ACSBG1: variants seen among roughly 807,000 people sequenced by gnomAD.
ACSBG1 encodes the protein long-chain-fatty-acid--CoA ligase ACSBG1.
Under a neutral mutation model 80.2 loss-of-function variants are expected in ACSBG1, and 39 were observed. That is an observed-to-expected ratio of 0.49 (90% CI 0.38 to 0.64). The LOEUF is 0.64. Among genes scored for constraint, ACSBG1 ranks in the 30% least tolerant of loss-of-function variants. ACSBG1 has a pLI of 0.00. For synonymous variants in ACSBG1, 392 were observed against 379.5 expected (o/e 1.03, Z -0.38); for missense variants, 828 against 966.4 (o/e 0.86, Z 1.90).
intron 1 of ACSBG1, among the ~76,000 whole-genome samples, chr15:78,212,962 G>A (rs971984751): frequency 1.1e-4 from 16 of 152,156 alleles, no homozygotes; most frequent in Non-Finnish European, 2.9e-5. Flanking sequence ...AAAATCTCCA[G>A]GACTCCTGCT....
intron 2 of ACSBG1, among the ~76,000 whole-genome samples, chr15:78,206,543 G>C (rs2075216497): frequency 6.6e-6 from 1 of 152,178 alleles, no homozygotes; most frequent in Non-Finnish European, 1.5e-5. Context: ...CCAAAGTCCT[G>C]ATACACTAGA....
At position 78,194,710 on chromosome 15, in the gene ACSBG1, C is replaced by G; in HGVS notation, c.249G>C (p.Thr83=). Residue 83 remains threonine, a synonymous_variant, in exon 3 of 14, where the codon ACG becomes ACC. Coordinates refer to ENST00000258873, the MANE Select transcript of ACSBG1 (RefSeq NM_015162.5). The part of the protein sequence containing the change: ...QWDAPEEALW[T]TRADGRVRLR... Reference sequence around the variant, plus strand: ...GGCGCACCCGCCCATCGGCCCGAGTCGTCCACAGCGCCTCCTCTGTGGGGT... The same window carrying G: ...GGCGCACCCGCCCATCGGCCCGAGTGGTCCACAGCGCCTCCTCTGTGGGGT... 3 of 1,612,736 alleles carry G rather than the reference C, an allele frequency of 1.9e-6. No individual in the cohort carries two copies. The East Asian group carries it at 6.7e-5, about 36-fold the overall frequency.
chr15:78,189,834 AAAAT>A (rs1402153705), intron 5 of ACSBG1, among the ~76,000 whole-genome samples: 1 of 152,054 alleles, frequency 6.6e-6, no homozygotes, highest in Admixed American at 6.5e-5. Context: ...ATAATAAAAT[AAAAT>A]AAATAAAAAT....
intron 5 of ACSBG1, among the ~76,000 whole-genome samples, chr15:78,183,043 G>A (rs1362191421): frequency 6.6e-6 from 1 of 152,218 alleles, no homozygotes; most frequent in Non-Finnish European, 1.5e-5. Flanking sequence ...CTGGGGCTTG[G>A]TTGAACAAAC....
chr15:78,224,158 A>G (rs2075381582), intron 1 of ACSBG1, among the ~76,000 whole-genome samples: 1 of 152,190 alleles, frequency 6.6e-6, no homozygotes, highest in South Asian at 2.1e-4. Context: ...CCGGTGAGAA[A>G]CAGGCTTGTC....
rs2031280481 is a variant in ACSBG1 at position 78,182,699 on chromosome 15, C to T, written c.744+6G>A. Reference sequence around the variant, plus strand: ...CACCTGGCGCCCAGGGCCCCACTGCCCATACCGTGTACACATTGGCCATCT... The same window carrying T: ...CACCTGGCGCCCAGGGCCCCACTGCTCATACCGTGTACACATTGGCCATCT... On this transcript the variant is annotated splice_donor_region_variant and intron_variant, in intron 6 of 13. Coordinates refer to ENST00000258873, the MANE Select transcript of ACSBG1 (RefSeq NM_015162.5). 4 of 1,614,198 alleles carry T rather than the reference C, an allele frequency of 2.5e-6. No individual in the cohort carries two copies. Among genetic ancestry groups the T allele is most frequent in the Non-Finnish European group, 2.5e-6 (3 of 1,180,022 alleles).
chr15:78,209,078 C>CTGT, intron 1 of ACSBG1: 1 of 449,920 alleles, frequency 2.2e-6, no homozygotes, highest in South Asian at 1.6e-5. Context: ...TCCAGGGAGC[C>CTGT]CTGTCTGTCA....
intron 1 of ACSBG1, chr15:78,209,365 G>T (rs1447926054): frequency 4.7e-6 from 2 of 425,300 alleles, no homozygotes; most frequent in Non-Finnish European, 9.5e-6. Flanking sequence ...TGTGAGCAAG[G>T]CCTGGGCCAC....
In ACSBG1 at chr15:78,233,669, G is replaced by A. The variant is rs111479836; in HGVS notation, c.131+702C>T. Among the ~76,000 whole-genome samples, 285 of 152,282 alleles carry A rather than the reference G, an allele frequency of 1.9e-3. 3 individuals are homozygous for A. The highest frequency in any genetic ancestry group is 6.4e-3 in the African/African-American group (268 of 41,572). On this transcript the variant is annotated intron_variant, in intron 1 of 13. Coordinates refer to ENST00000258873, the MANE Select transcript of ACSBG1 (RefSeq NM_015162.5). ...CCCCTCCTGGACACAAATCACAGAT[G>A]TTGGGGTCCTGGAGTTCCGTGTGTG...
intron 1 of ACSBG1, among the ~76,000 whole-genome samples, chr15:78,225,275 C>A (rs1213345305): frequency 2.0e-5 from 3 of 151,868 alleles, no homozygotes; most frequent in African/African-American, 7.3e-5. Context: ...TTGGTGGGCA[C>A]CTGTAATTTC....
At chr15:78,221,055 A>T (rs2075356021) in intron 1 of ACSBG1, among the ~76,000 whole-genome samples, 1 of 152,228 alleles carries the variant, frequency 6.6e-6, no homozygotes, top group South Asian at 2.1e-4. Context: ...ACAACCCTGA[A>T]GGGGGCCCTG....
At chr15:78,221,162 C>T (rs1358289912) in intron 1 of ACSBG1, among the ~76,000 whole-genome samples, 2 of 152,066 alleles carry the variant, frequency 1.3e-5, no homozygotes, top group Non-Finnish European at 2.9e-5. Flanking sequence ...GAACAGTGGG[C>T]CCAGGGGACC....
At chr15:78,223,977 ATT>A (rs1332384505) in intron 1 of ACSBG1, among the ~76,000 whole-genome samples, 1 of 152,182 alleles carries the variant, frequency 6.6e-6, no homozygotes, top group Non-Finnish European at 1.5e-5. Context: ...CAGGGAACAG[ATT>A]CTGTCCTAGA....
intron 2 of ACSBG1, among the ~76,000 whole-genome samples, chr15:78,198,718 G>A (rs1449318640): frequency 6.6e-6 from 1 of 152,204 alleles, no homozygotes; most frequent in East Asian, 1.9e-4. Flanking sequence ...AGCAGTCTAT[G>A]ACAGAAAAAG....
intron 1 of ACSBG1, among the ~76,000 whole-genome samples, chr15:78,216,459 G>A (rs78671957): frequency 0.031 from 4,755 of 152,280 alleles, 125 homozygotes; most frequent in Middle Eastern, 0.11. Context: ...TCAAGGCCAA[G>A]GTGATAGGCA....
chr15:78,209,647 C>T (rs1175818260), intron 1 of ACSBG1, among the ~76,000 whole-genome samples: 1 of 152,156 alleles, frequency 6.6e-6, no homozygotes. Context: ...ACGAGGGACA[C>T]GTACACTGCT....
rs1235316165 is a variant in ACSBG1, at chr15:78,178,253, C to T, written c.1702+361G>A. Among the ~76,000 whole-genome samples, 6 of 152,250 alleles carry T rather than the reference C, an allele frequency of 3.9e-5. No homozygotes were observed. The highest frequency in any genetic ancestry group is 3.9e-4 in the East Asian group (2 of 5,182). ...GTGCTGGCAGTGGAATTCCTGCTCC[C>T]ACCCCACTGCAGCTGTCCAGGGCGC... On this transcript the variant is annotated intron_variant, in intron 11 of 13. Coordinates refer to ENST00000258873, the MANE Select transcript of ACSBG1 (RefSeq NM_015162.5). The surrounding 1 kb of genome is among the most constrained non-coding windows in gnomAD (Gnocchi z 4.3).
At chr15:78,209,891 C>A (rs1394844073) in intron 1 of ACSBG1, among the ~76,000 whole-genome samples, 1 of 152,196 alleles carries the variant, frequency 6.6e-6, no homozygotes, top group Non-Finnish European at 1.5e-5. Context: ...CACAAACAAA[C>A]CTGTTTTTAA....
intron 2 of ACSBG1, among the ~76,000 whole-genome samples, chr15:78,203,667 G>A (rs1414956905): frequency 1.3e-5 from 2 of 152,242 alleles, no homozygotes; most frequent in Non-Finnish European, 1.5e-5. Flanking sequence ...AAGAGCAAAG[G>A]CAGTCACTCA....
Sources: gnomAD v4.1 joint callset for allele counts (sites outside exome capture counted in the v4.1 genomes callset) on GRCh38, gnomAD v4.1.1 for gene constraint, Gnocchi (gnomAD v3.1) non-coding constraint, MANE v1.5 for transcripts, NCBI Gene and HGNC (gene_info 2026-07-23, HGNC 2026-07-21) for gene names.